OSBPL10: variants seen among roughly 807,000 people sequenced by gnomAD.
OSBPL10 encodes the protein oxysterol binding protein like 10.
OSBPL10 carries 49 observed loss-of-function variants against 81.7 expected under a neutral mutation model. That is an observed-to-expected ratio of 0.60 (90% confidence interval 0.48 to 0.76). The LOEUF (loss-of-function observed/expected upper bound fraction) is 0.76. Among genes scored for constraint, OSBPL10 ranks in the 30% least tolerant of loss-of-function variants. OSBPL10 has a pLI of 0.00. For missense variants in OSBPL10, 923 were observed against 987.8 expected (o/e 0.93, Z 0.88); for synonymous variants, 419 against 383.6 (o/e 1.09, Z -1.08).
At chr3:31,854,183 T>G (rs1431696878) in intron 3 of OSBPL10, among the ~76,000 whole-genome samples, 1 of 151,244 alleles carries the variant, frequency 6.6e-6, no homozygotes, top group African/African-American at 2.4e-5. Flanking sequence ...AAAGATAGCA[T>G]ACAGAATGGT....
chr3:31,959,241 C>A (rs1698092675), intron 1 of OSBPL10, among the ~76,000 whole-genome samples: 1 of 152,042 alleles, frequency 6.6e-6, no homozygotes, highest in Non-Finnish European at 1.5e-5. Context: ...TAGCCAGGTC[C>A]CTTCCTGAAT....
chr3:31,925,614 A>T (rs1228519662), intron 1 of OSBPL10, among the ~76,000 whole-genome samples: 2 of 151,962 alleles, frequency 1.3e-5, no homozygotes, highest in African/African-American at 2.4e-5. Context: ...GGAGTTCAAG[A>T]CCAGCCTGGC....
At chr3:31,790,850 A>G (rs1412865318) in intron 4 of OSBPL10, among the ~76,000 whole-genome samples, 1 of 152,212 alleles carries the variant, frequency 6.6e-6, no homozygotes, top group Non-Finnish European at 1.5e-5. Flanking sequence ...GGCTGCACAT[A>G]AAGATCTACT....
At chr3:31,781,052 C>T (rs1191519285) in intron 4 of OSBPL10, among the ~76,000 whole-genome samples, 2 of 151,818 alleles carry the variant, frequency 1.3e-5, no homozygotes, top group South Asian at 2.1e-4. Flanking sequence ...AACATAGATG[C>T]TATAATCCTC....
intron 4 of OSBPL10, among the ~76,000 whole-genome samples, chr3:31,816,615 C>A (rs1699840220): frequency 6.6e-6 from 1 of 152,196 alleles, no homozygotes; most frequent in Non-Finnish European, 1.5e-5. Flanking sequence ...GTTAGTGGCT[C>A]CCTAAGGTGT....
intron 1 of OSBPL10, 127 bp from the exon 2 acceptor site, chr3:31,879,957 G>T (rs1695510330): frequency 1.0e-6 from 1 of 987,350 alleles, no homozygotes; most frequent in Non-Finnish European, 1.5e-6. Flanking sequence ...GAAACCAAAA[G>T]TCCCTCCCAG....
chr3:31,845,915 C>T (rs1228206775), intron 3 of OSBPL10, among the ~76,000 whole-genome samples: 1 of 152,224 alleles, frequency 6.6e-6, no homozygotes, highest in African/African-American at 2.4e-5. Flanking sequence ...GAATCCCGCA[C>T]AACTGTGGTC....
intron 1 of OSBPL10, among the ~76,000 whole-genome samples, chr3:31,968,254 T>G (rs1698457864): frequency 7.5e-6 from 1 of 133,810 alleles, no homozygotes; most frequent in African/African-American, 3.2e-5. Flanking sequence ...AATCATGTCA[T>G]TTATAGAAAA....
chr3:31,663,742 G>A, intron 11 of OSBPL10: 1 of 1,175,744 alleles, frequency 8.5e-7, no homozygotes, highest in Non-Finnish European at 1.1e-6. Context: ...TCTAACAGGT[G>A]CCATGATGAT....
intron 8 of OSBPL10, among the ~76,000 whole-genome samples, chr3:31,682,434 G>C (rs1231820425): frequency 6.6e-6 from 1 of 152,122 alleles, no homozygotes; most frequent in Non-Finnish European, 1.5e-5. Context: ...CAGCCACATG[G>C]GCTTCCTGTC....
At chr3:32,042,177 G>A (rs1176105260) in intron 2 of OSBPL10, among the ~76,000 whole-genome samples, 1 of 152,198 alleles carries the variant, frequency 6.6e-6, no homozygotes, top group Non-Finnish European at 1.5e-5. Flanking sequence ...CCAGACATGT[G>A]AATGAAGATG....
intron 4 of OSBPL10, among the ~76,000 whole-genome samples, chr3:31,770,815 C>G (rs1460425757): frequency 1.3e-5 from 2 of 152,128 alleles, no homozygotes; most frequent in African/African-American, 4.8e-5. Flanking sequence ...TAGTTTTGAG[C>G]TCAGCTTCAC....
intron 4 of OSBPL10, among the ~76,000 whole-genome samples, chr3:31,749,729 C>T (rs1575520041): frequency 1.3e-5 from 2 of 152,010 alleles, no homozygotes; most frequent in South Asian, 4.2e-4. Flanking sequence ...GGAGGAGAAT[C>T]GCTTGAATCC....
chr3:32,022,884 G>C (rs1699372845), intron 2 of OSBPL10, among the ~76,000 whole-genome samples: 1 of 152,158 alleles, frequency 6.6e-6, no homozygotes, highest in South Asian at 2.1e-4. Flanking sequence ...ACTTCTGCCA[G>C]ACTGCCTAGG....
chr3:31,674,754 A>G (rs1700420975), intron 8 of OSBPL10, among the ~76,000 whole-genome samples: 1 of 152,176 alleles, frequency 6.6e-6, no homozygotes, highest in South Asian at 2.1e-4. Context: ...AGCAGATGCT[A>G]GTGCCATGCT....
chr3:32,028,468 C>G (rs1456303963), intron 2 of OSBPL10, among the ~76,000 whole-genome samples: 2 of 152,160 alleles, frequency 1.3e-5, no homozygotes, highest in Middle Eastern at 3.2e-3. Context: ...TAAATCCCAG[C>G]CATCAATCAC....
chr3:31,683,156 T>A (rs983556597), intron 8 of OSBPL10, among the ~76,000 whole-genome samples: 4 of 152,244 alleles, frequency 2.6e-5, no homozygotes, highest in Admixed American at 2.0e-4. Flanking sequence ...TTATACTATG[T>A]TCTTGCTTCA....
chr3:32,068,069 C>T (rs1384649304), intron 1 of OSBPL10, among the ~76,000 whole-genome samples: 2 of 152,180 alleles, frequency 1.3e-5, no homozygotes, highest in African/African-American at 2.4e-5. Flanking sequence ...AATTTCAAAT[C>T]AGGTAAGCGG....
chr3:31,897,682 ATTAGAGTT>A (rs1696095984), intron 1 of OSBPL10, among the ~76,000 whole-genome samples: 1 of 152,184 alleles, frequency 6.6e-6, no homozygotes, highest in African/African-American at 2.4e-5. Context: ...TCAGGTTGAC[ATTAGAGTT>A]TTTAATATCA....
Sources: gnomAD v4.1 joint callset for allele counts (sites outside exome capture counted in the v4.1 genomes callset) on GRCh38, gnomAD v4.1.1 for gene constraint, MANE v1.5 for transcripts, NCBI Gene and HGNC (gene_info 2026-07-23, HGNC 2026-07-21) for gene names.